Variants in PLPPR5 observed in about 807,000 individuals in gnomAD.
PLPPR5 encodes the protein phospholipid phosphatase-related protein type 5.
In PLPPR5, 16 loss-of-function variants were observed where a neutral mutation model predicts 33.9. The observed-to-expected ratio is 0.47, with a 90% confidence interval of 0.32 to 0.72. The LOEUF (loss-of-function observed/expected upper bound fraction) is 0.72, where lower values mean the gene tolerates loss of function less well. PLPPR5 is among the 30% of genes least tolerant of loss of function. The pLI, the probability that PLPPR5 is intolerant of heterozygous loss-of-function variation, is 0.03. For missense variants in PLPPR5, 301 were observed against 406.7 expected, an observed-to-expected ratio of 0.74 and a Z score of 2.23; for synonymous variants, 163 against 150.3, an observed-to-expected ratio of 1.08 and a Z score of -0.62.
intron 3 of PLPPR5, among the ~76,000 whole-genome samples, chr1:98,933,824 C>T (rs142662482): frequency 5.9e-5 from 9 of 152,226 alleles, no homozygotes; most frequent in South Asian, 2.1e-4. Context: ...AAAGGCACCA[C>T]GGGGCATGAA....
intron 5 of PLPPR5, among the ~76,000 whole-genome samples, chr1:98,899,542 T>G (rs1466873026): frequency 6.6e-6 from 1 of 151,978 alleles, no homozygotes; most frequent in African/African-American, 2.4e-5. Flanking sequence ...TTCCAAAAAA[T>G]AAATCTTTGA....
chr1:99,004,080 A>G (rs1459181281), intron 1 of PLPPR5, among the ~76,000 whole-genome samples: 3 of 152,122 alleles, frequency 2.0e-5, no homozygotes, highest in African/African-American at 7.2e-5. Context: ...GCAGTGAGCG[A>G]GTCAAGGCCA....
chr1:98,941,993 T>C (rs1337292819), intron 3 of PLPPR5, among the ~76,000 whole-genome samples: 1 of 6,846 alleles, frequency 1.5e-4, no homozygotes, highest in Non-Finnish European at 7.1e-4. Flanking sequence ...TGTATACGTA[T>C]ATATATATAT....
At chr1:98,896,888 C>A (rs890816647) in intron 5 of PLPPR5, among the ~76,000 whole-genome samples, 1 of 151,948 alleles carries the variant, frequency 6.6e-6, no homozygotes, top group African/African-American at 2.4e-5. Context: ...ATTCGTGGCA[C>A]GAAACTTTGG....
chr1:98,983,880 T>C (rs1419476142), intron 1 of PLPPR5, among the ~76,000 whole-genome samples: 1 of 152,102 alleles, frequency 6.6e-6, no homozygotes, highest in Non-Finnish European at 1.5e-5. Flanking sequence ...TTTGGTTGCA[T>C]AAATGTCTTC....
intron 5 of PLPPR5, among the ~76,000 whole-genome samples, chr1:98,906,750 A>G (rs1006089889): frequency 6.6e-6 from 1 of 152,166 alleles, no homozygotes; most frequent in Non-Finnish European, 1.5e-5. Flanking sequence ...TCTAATTCCA[A>G]TATATATATT....
At chr1:98,904,786 C>T (rs1284182041) in intron 5 of PLPPR5, among the ~76,000 whole-genome samples, 1 of 151,978 alleles carries the variant, frequency 6.6e-6, no homozygotes, top group Non-Finnish European at 1.5e-5. Flanking sequence ...CTGTTAATTA[C>T]AAAGGAGAGG....
intron 5 of PLPPR5, among the ~76,000 whole-genome samples, chr1:98,895,900 A>G (rs1425151951): frequency 6.6e-6 from 1 of 152,058 alleles, no homozygotes; most frequent in Non-Finnish European, 1.5e-5. Context: ...GGGGAAATTT[A>G]ATCATAGTAC....
chr1:98,952,262 C>CAAA (rs779701945), intron 3 of PLPPR5, among the ~76,000 whole-genome samples: 81 of 113,038 alleles, frequency 7.2e-4, no homozygotes, highest in African/African-American at 1.3e-3. Flanking sequence ...GACTCCGTCT[C>CAAA]AGAAAAAAAA....
At chr1:98,955,954 C>A (rs1310432190) in intron 2 of PLPPR5, among the ~76,000 whole-genome samples, 1 of 152,052 alleles carries the variant, frequency 6.6e-6, no homozygotes, top group Non-Finnish European at 1.5e-5. Context: ...ATAATTCATT[C>A]ATGCATATAT....
intron 5 of PLPPR5, among the ~76,000 whole-genome samples, chr1:98,912,943 G>T (rs1479471880): frequency 6.6e-6 from 1 of 151,988 alleles, no homozygotes; most frequent in African/African-American, 2.4e-5. Flanking sequence ...TCTCTCCAAA[G>T]TACCATGGAC....
chr1:98,921,909 C>T lies in PLPPR5; in HGVS notation c.771G>A (p.Leu257=). 1 of 1,613,198 alleles carries T rather than the reference C, an allele frequency of 6.2e-7. No individual in the cohort carries two copies. Among genetic ancestry groups the T allele is most frequent in the Non-Finnish European group, 8.5e-7 (1 of 1,179,746 alleles). The change falls in exon 4 of 6, where the codon CTG becomes CTA. Residue 257 remains leucine (L), a synonymous_variant. Transcript: ENST00000263177. Reference sequence around the variant, plus strand: ...GAAATACTGCTATAGATATTCCAACCAGAAAGCCTGCTATAACATCTGACC... The same window carrying T: ...GAAATACTGCTATAGATATTCCAACTAGAAAGCCTGCTATAACATCTGACC... The part of the protein sequence containing the change: ...NHWSDVIAGF[L]VGISIAVFLV...
intron 1 of PLPPR5, chr1:98,991,396 C>CTTTCTACTCCAT (rs1431789136): frequency 6.6e-6 from 1 of 152,124 alleles, no homozygotes; most frequent in Non-Finnish European, 1.5e-5. Context: ...AATAGGTACA[C>CTTTCTACTCCAT]TTTCTACTCC....
rs999611967 is a variant in PLPPR5 at position 98,892,224 on chromosome 1, T to A, written c.*848A>T. 10 of 152,276 alleles carry A rather than the reference T, an allele frequency of 6.6e-5. No homozygotes were observed. Among genetic ancestry groups the A allele is most frequent in the African/African-American group, 2.4e-4 (10 of 41,418 alleles). 9.4% of individuals were successfully genotyped at this position (152,276 alleles called of 1,614,324 possible). ...TAAAAAAGCCTAAGAGTGGAGCTTT[T>A]GACCACTCTTGAGACACTGCTACCC... On this transcript the variant is annotated 3_prime_UTR_variant, in exon 6 of 6. Transcript: ENST00000263177.
At chr1:98,958,935 C>A (rs2101224010) in intron 1 of PLPPR5, among the ~76,000 whole-genome samples, 1 of 152,310 alleles carries the variant, frequency 6.6e-6, no homozygotes, top group East Asian at 1.9e-4. Flanking sequence ...CATCCCCTGG[C>A]AGGCCCCAAC....
intron 3 of PLPPR5, among the ~76,000 whole-genome samples, chr1:98,933,860 G>A (rs779618838): frequency 2.4e-4 from 37 of 152,196 alleles, no homozygotes; most frequent in Non-Finnish European, 4.6e-4. Flanking sequence ...GGCAACGTGA[G>A]CAGATGTATC....
intron 3 of PLPPR5, among the ~76,000 whole-genome samples, chr1:98,926,579 C>G (rs1649772717): frequency 1.3e-5 from 2 of 151,392 alleles, no homozygotes; most frequent in South Asian, 2.1e-4. Flanking sequence ...TGAACTGATG[C>G]CTTATCAAGT....
chr1:98,933,934 T>C (rs945579929), intron 3 of PLPPR5, among the ~76,000 whole-genome samples: 3 of 152,030 alleles, frequency 2.0e-5, no homozygotes, highest in African/African-American at 7.2e-5. Context: ...GTGAAGGAAT[T>C]TGTTACTTAC....
At chr1:99,003,626 T>A (rs529436504) in intron 1 of PLPPR5, among the ~76,000 whole-genome samples, 6 of 152,364 alleles carry the variant, frequency 3.9e-5, no homozygotes, top group Admixed American at 1.3e-4. Context: ...AATAATTTCA[T>A]ATGTATATAT....
Sources: gnomAD v4.1 joint callset for allele counts (sites outside exome capture counted in the v4.1 genomes callset) on GRCh38, gnomAD v4.1.1 for gene constraint, MANE v1.5 for transcripts, NCBI Gene and HGNC (gene_info 2026-07-23, HGNC 2026-07-21) for gene names.